The following ZNF254 variants were observed in gnomAD, a reference collection of about 807,000 sequenced individuals.
The protein encoded by ZNF254 is zinc finger protein 254, also known as CTD-2017D11.1.
Under a neutral mutation model 12.4 loss-of-function variants are expected in ZNF254, and 10 were observed. That is an observed-to-expected ratio of 0.80 (90% CI 0.50 to 1.36). ZNF254 has a LOEUF of 1.36. Among genes scored for constraint, ZNF254 ranks in the 40% most tolerant of loss-of-function variants. The probability of loss-of-function intolerance (pLI) is 0.00; values close to 1 mark genes in which losing one functional copy is unlikely to be tolerated. For synonymous variants in ZNF254, 305 were observed against 253.4 expected (o/e 1.20, Z -1.93); for missense variants, 996 against 763.9 (o/e 1.30, Z -3.58).
At chr19:24,104,200 G>C (rs1367718449) in intron 1 of ZNF254, 2 of 152,192 alleles carry the variant, frequency 1.3e-5, no homozygotes, top group Non-Finnish European at 1.5e-5. Context: ...GGGACAAAAA[G>C]AAGAGAAACT....
chr19:24,115,323 CACCATGGAAT>C (rs1413341396), intron 3 of ZNF254, among the ~76,000 whole-genome samples: 3 of 152,128 alleles, frequency 2.0e-5, no homozygotes, highest in Admixed American at 2.0e-4. Context: ...GGCACATATA[CACCATGGAAT>C]ACTATGCAGC....
At chr19:24,036,662 G>T (rs1383051906) in intron 1 of ZNF254, among the ~76,000 whole-genome samples, 1 of 152,154 alleles carries the variant, frequency 6.6e-6, no homozygotes, top group East Asian at 1.9e-4. Flanking sequence ...TATTTGAGCT[G>T]GAGGGAGACT....
At chr19:24,067,877 A>G (rs1057178311) in intron 2 of ZNF254, among the ~76,000 whole-genome samples, 1 of 152,164 alleles carries the variant, frequency 6.6e-6, no homozygotes, top group African/African-American at 2.4e-5. Flanking sequence ...CCACAAGAGT[A>G]TTATGAAATA....
At chr19:24,066,022 T>A (rs1971257417) in intron 2 of ZNF254, 1 of 152,130 alleles carries the variant, frequency 6.6e-6, no homozygotes, top group Non-Finnish European at 1.5e-5. Context: ...TCCTCTTTTT[T>A]TCAGGCTCTG....
In ZNF254 at chr19:24,126,715, A is replaced by C; in HGVS notation, c.715A>C (p.Lys239Gln). 1 of 1,613,580 alleles carries C rather than the reference A, an allele frequency of 6.2e-7. No homozygotes were observed. Among genetic ancestry groups the C allele is most frequent in the Non-Finnish European group, 8.5e-7 (1 of 1,179,792 alleles). The change falls in exon 4 of 4, where the codon AAA becomes CAA. Residue 239 changes from lysine to glutamine, a missense_variant. Lys to Gln is a moderately conservative substitution (Grantham distance 53). Coordinates refer to ENST00000357002, the MANE Select transcript of ZNF254 (RefSeq NM_203282.4). ...RKIYTEEKPY[K>Q]CEEYNKSPKQ... ...AATTTATACTGAAGAGAAACCTTAC[A>C]AATGTGAAGAATATAACAAATCTCC...
In ZNF254 at chr19:24,127,556, A is replaced by C. The variant is rs759526945; in HGVS notation, c.1556A>C (p.Lys519Thr). Residue 519 changes from lysine to threonine, a missense_variant, in exon 4 of 4, where the codon AAA becomes ACA. By Grantham distance (78) the Lys-to-Thr change is moderately conservative. Transcript: ENST00000357002. ...ATTCATACTGGAGAGAAACCCTACA[A>C]ATGTGAAGAATGTGGCAAAGCCTTT... ...KIIHTGEKPY[K>T]CEECGKAFNW... 1.2e-6 allele frequency: 2 copies of C among 1,613,472 alleles called. No individual in the cohort carries two copies. The highest frequency in any genetic ancestry group is 2.7e-5 in the African/African-American group (2 of 74,910).
chr19:24,055,486 C>T (rs1418005338), intron 2 of ZNF254, among the ~76,000 whole-genome samples: 2 of 151,892 alleles, frequency 1.3e-5, no homozygotes, highest in South Asian at 2.1e-4. Flanking sequence ...ACCATGCTGG[C>T]CAGGATGGTC....
chr19:24,040,962 G>C (rs8103993), intron 1 of ZNF254, among the ~76,000 whole-genome samples: 73,691 of 150,966 alleles, frequency 0.49, 18,955 homozygotes, highest in African/African-American at 0.67. Flanking sequence ...TTTCGATAAA[G>C]AAGCCAATTT....
chr19:24,127,597 C>G lies in ZNF254; in HGVS notation c.1597C>G (p.Leu533Val), dbSNP rs755566337. The part of the protein sequence containing the change: ...CGKAFNWSST[L>V]TKHKIIHTEE... ...CAAAGCCTTTAACTGGTCCTCAACT[C>G]TTACTAAACATAAGATAATTCATAC... The change falls in exon 4 of 4, where the codon CTT (leucine) becomes GTT (valine). Residue 533 changes from leucine to valine, a missense_variant. Physicochemically the swap from Leu to Val is conservative, Grantham distance 32. Coordinates refer to ENST00000357002, the MANE Select transcript of ZNF254 (RefSeq NM_203282.4). 9 of 1,607,852 alleles carry G rather than the reference C, an allele frequency of 5.6e-6. No homozygotes were observed. The highest frequency in any genetic ancestry group is 1.3e-5 in the African/African-American group (1 of 74,828).
intron 1 of ZNF254, among the ~76,000 whole-genome samples, chr19:24,043,151 T>G (rs1372612373): frequency 6.6e-6 from 1 of 152,184 alleles, no homozygotes; most frequent in Non-Finnish European, 1.5e-5. Flanking sequence ...ATCTTTATTT[T>G]ACAAGCATAC....
At chr19:24,070,336 C>T (rs1262889574) in intron 2 of ZNF254, among the ~76,000 whole-genome samples, 1 of 152,296 alleles carries the variant, frequency 6.6e-6, no homozygotes, top group East Asian at 1.9e-4. Flanking sequence ...TGCTGGTTTT[C>T]ACAACCAGTC....
At chr19:24,118,410 T>G (rs1974257190) in intron 3 of ZNF254, among the ~76,000 whole-genome samples, 1 of 152,152 alleles carries the variant, frequency 6.6e-6, no homozygotes, top group Non-Finnish European at 1.5e-5. Flanking sequence ...TAGTGGTCAT[T>G]TAAATGGATG....
intron 1 of ZNF254, among the ~76,000 whole-genome samples, chr19:24,039,352 G>T (rs1231426010): frequency 2.6e-5 from 4 of 152,270 alleles, no homozygotes; most frequent in Non-Finnish European, 5.9e-5. Flanking sequence ...CCAGAGCCAT[G>T]AATGCATGAA....
intron 1 of ZNF254, among the ~76,000 whole-genome samples, chr19:24,042,606 C>T (rs971379388): frequency 2.0e-5 from 3 of 152,136 alleles, no homozygotes; most frequent in African/African-American, 7.2e-5. Flanking sequence ...AGACTCCAGA[C>T]GCGCCACCTT....
intron 2 of ZNF254, among the ~76,000 whole-genome samples, chr19:24,064,375 T>G (rs1310757315): frequency 6.6e-6 from 1 of 152,200 alleles, no homozygotes; most frequent in Admixed American, 6.5e-5. Flanking sequence ...TGTGAAATAC[T>G]GCTGGACCAA....
intron 1 of ZNF254, among the ~76,000 whole-genome samples, chr19:24,102,032 A>G (rs2145775360): frequency 6.6e-6 from 1 of 152,336 alleles, no homozygotes; most frequent in Admixed American, 6.5e-5. Flanking sequence ...CATTAGAAAA[A>G]TAGATGACGC....
Position 24,038,615 on chromosome 19 carries a change from G to C in ZNF254, c.-190+4994G>C, listed in dbSNP as rs1459942200. Among the ~76,000 whole-genome samples the C allele has an allele frequency of 3.3e-5, 5 of 152,022 alleles. No homozygotes were observed. The East Asian group carries it at 9.6e-4, about 29-fold the overall frequency. On this transcript the variant is annotated intron_variant, in intron 1 of 4. Transcript: ENST00000613065. ...ACTAAACAGGATATGAACACATACT[G>C]TGCCCACCATGCTTCATTCTGTATG...
At chr19:24,055,172 C>T (rs1568429724) in intron 2 of ZNF254, among the ~76,000 whole-genome samples, 1 of 114,496 alleles carries the variant, frequency 8.7e-6, no homozygotes, top group Non-Finnish European at 1.6e-5. Context: ...CACTGTACTC[C>T]AGCCTGGGTG....
rs57684067 is a variant in ZNF254, at chr19:24,102,229, G to GT, written c.31-3696dup. On this transcript the variant is annotated intron_variant, in intron 1 of 3. Coordinates refer to ENST00000357002, the MANE Select transcript of ZNF254 (RefSeq NM_203282.4). The stretch of plus-strand genomic sequence containing the variant: ...GAACATATATTAATAAACAAAATTT[G>GT]TTTTTTTTTTTTTTTGCCTTGCTAA... Among the ~76,000 whole-genome samples the GT allele has an allele frequency of 2.1e-3, 259 of 122,908 alleles. 1 individual carries two copies. The highest frequency in any genetic ancestry group is 0.013 in the East Asian group (54 of 4,106). 80.6% of individuals were successfully genotyped at this position (122,908 alleles called of 152,430 possible). A position where few individuals can be genotyped will look rare whatever the true frequency, so the allele number is the denominator to read the frequency against.
Sources: allele counts gnomAD v4.1 joint callset (sites outside exome capture counted in the v4.1 genomes callset), GRCh38; gene constraint gnomAD v4.1.1; transcripts MANE v1.5; gene names NCBI Gene and HGNC (gene_info 2026-07-23, HGNC 2026-07-21).